Variants in HECW2 observed in about 807,000 individuals in gnomAD.
HECW2 encodes HECT, C2 and WW domain containing E3 ubiquitin protein ligase 2, also known as E3 ubiquitin-protein ligase HECW2.
In HECW2, 61 loss-of-function variants were observed where a neutral mutation model predicts 175.2. The ratio of observed to expected loss-of-function variants is 0.35; its 90% CI spans 0.28 to 0.43. The LOEUF is 0.43. HECW2 is among the 20% of genes least tolerant of loss of function. The pLI, the probability that HECW2 is intolerant of heterozygous loss-of-function variation, is 1.00. For missense variants in HECW2, 1,524 were observed against 2,000.5 expected (o/e 0.76, Z 4.54); for synonymous variants, 671 against 731.0 (o/e 0.92, Z 1.32).
rs185274572 is a variant in HECW2, at chr2:196,457,560, G to C, written c.-35-24102C>G. 4.7e-4 allele frequency among the ~76,000 whole-genome samples: 71 copies of C among 152,298 alleles called. No individual in the cohort carries two copies. In the East Asian group the frequency reaches 9.8e-3, roughly 21 times the overall value. On this transcript the variant is annotated intron_variant, in intron 1 of 28. Coordinates refer to ENST00000644978, the MANE Select transcript of HECW2 (RefSeq NM_001348768.2). ...TCCTCAAACTGGGTCAGAAAATCCA[G>C]AAATAATATAAATTGATTATCTCAG...
At chr2:196,293,359 T>C (rs561920954) in intron 13 of HECW2, among the ~76,000 whole-genome samples, 31 of 152,344 alleles carry the variant, frequency 2.0e-4, no homozygotes, top group African/African-American at 7.5e-4. Context: ...TGCATAGCAT[T>C]CCATGGTATA....
intron 1 of HECW2, among the ~76,000 whole-genome samples, chr2:196,533,626 T>C (rs963204302): frequency 6.6e-6 from 1 of 152,142 alleles, no homozygotes; most frequent in African/African-American, 2.4e-5. Context: ...AAGGAATATA[T>C]ATATAGGTGT....
At chr2:196,508,479 T>C (rs1320053173) in intron 1 of HECW2, among the ~76,000 whole-genome samples, 2 of 152,256 alleles carry the variant, frequency 1.3e-5, no homozygotes, top group Non-Finnish European at 2.9e-5. Flanking sequence ...CAGGAAATGT[T>C]TGACTTTCAA....
intron 19 of HECW2, among the ~76,000 whole-genome samples, chr2:196,248,629 C>CAGAGAGAGAG (rs199534761): frequency 1.3e-5 from 2 of 149,652 alleles, no homozygotes; most frequent in Non-Finnish European, 2.9e-5. Context: ...CACACACACA[C>CAGAGAGAGAG]ACAGAGAGAG....
At chr2:196,497,245 C>A (rs952834556) in intron 1 of HECW2, among the ~76,000 whole-genome samples, 1 of 152,154 alleles carries the variant, frequency 6.6e-6, no homozygotes. Context: ...GTCTCTTTTT[C>A]TGCTGGACTT....
At chr2:196,409,134 C>A (rs747614601) in intron 2 of HECW2, among the ~76,000 whole-genome samples, 6 of 152,054 alleles carry the variant, frequency 3.9e-5, no homozygotes, top group South Asian at 2.1e-4. Flanking sequence ...AAAGAGAAAT[C>A]CAGTTTGTCA....
chr2:196,527,372 C>T (rs980207907), intron 1 of HECW2, among the ~76,000 whole-genome samples: 3 of 152,266 alleles, frequency 2.0e-5, no homozygotes, highest in African/African-American at 7.2e-5. Context: ...CCTGCGCCCA[C>T]TGTCTGGCAC....
At position 196,422,006 on chromosome 2, in the gene HECW2, T is replaced by C. The variant is rs59489529; in HGVS notation, c.292+11126A>G. ...AAGGAAGATCCGTGATAGTCTGAGA[T>C]ACCAAGGTGATCCTGTGAATTCAGA... On this transcript the variant is annotated intron_variant, in intron 2 of 28. Coordinates refer to ENST00000644978, the MANE Select transcript of HECW2 (RefSeq NM_001348768.2). 3.7e-4 allele frequency among the ~76,000 whole-genome samples: 56 copies of C among 152,272 alleles called. 1 individual carries two copies. In the East Asian group the frequency reaches 9.8e-3, roughly 27 times the overall value.
intron 1 of HECW2, among the ~76,000 whole-genome samples, chr2:196,463,317 G>A (rs1176404234): frequency 6.7e-6 from 1 of 150,096 alleles, no homozygotes; most frequent in Non-Finnish European, 1.5e-5. Flanking sequence ...TCAGTGCCTA[G>A]AATGTTTGGG....
At chr2:196,222,400 G>A in intron 23 of HECW2, 60 bp from the exon 24 acceptor site, 3 of 1,512,780 alleles carry the variant, frequency 2.0e-6, no homozygotes, top group Non-Finnish European at 2.7e-6. Flanking sequence ...AAAACCCAGA[G>A]TCATAAGGAA....
At chr2:196,513,872 C>T (rs1425907149) in intron 1 of HECW2, among the ~76,000 whole-genome samples, 1 of 152,218 alleles carries the variant, frequency 6.6e-6, no homozygotes, top group Non-Finnish European at 1.5e-5. Context: ...TGGTTAGAAA[C>T]CTTTCTAGCA....
intron 5 of HECW2, 80 bp downstream of exon 5, chr2:196,329,495 G>C (rs1692278028): frequency 2.6e-6 from 3 of 1,157,646 alleles, no homozygotes; most frequent in Non-Finnish European, 3.9e-6. Context: ...ATATACGAAA[G>C]TCTGCAGAAA....
chr2:196,351,127 A>G (rs925417259), intron 2 of HECW2, among the ~76,000 whole-genome samples: 1 of 152,216 alleles, frequency 6.6e-6, no homozygotes, highest in African/African-American at 2.4e-5. Flanking sequence ...AAAAGTTGAT[A>G]ATTATATTAA....
chr2:196,304,150 C>T (rs1394893646), intron 13 of HECW2, among the ~76,000 whole-genome samples: 2 of 152,188 alleles, frequency 1.3e-5, no homozygotes, highest in African/African-American at 2.4e-5. Flanking sequence ...CTTCTGTAGC[C>T]CTGCACGCTT....
In HECW2 at chr2:196,282,846, G is replaced by C. The variant is rs537598277; in HGVS notation, c.3001-4184C>G. ...AACCCCCCACTTTCCATCATGGCCTGAACTAGCTTTTTTAGGTTAACTTTG... is the reference window on the plus strand; with the variant it reads ...AACCCCCCACTTTCCATCATGGCCTCAACTAGCTTTTTTAGGTTAACTTTG... On this transcript the variant is annotated intron_variant, in intron 14 of 28. Transcript: ENST00000644978. 1.3e-5 allele frequency among the ~76,000 whole-genome samples: 2 copies of C among 152,278 alleles called. 1 individual carries two copies. The highest frequency in any genetic ancestry group is 4.1e-4 in the South Asian group (2 of 4,820).
Position 196,271,176 on chromosome 2 carries a change from A to G in HECW2, c.3335+17T>C. ...TGTGCTTATGCAACTTGAACCAAAT[A>G]CCAATATTATTGTTACCTGAGTGAG... On this transcript the variant is annotated intron_variant, in intron 17 of 28. Coordinates refer to ENST00000644978, the MANE Select transcript of HECW2 (RefSeq NM_001348768.2). The G allele has an allele frequency of 1.4e-6, 2 of 1,443,950 alleles. No individual in the cohort carries two copies. The highest frequency in any genetic ancestry group is 1.9e-6 in the Non-Finnish European group (2 of 1,028,174). The allele number at this position is 1,443,950 out of a possible 1,614,324, so 89.4% of individuals were successfully genotyped here.
chr2:196,377,503 A>C (rs1694084047), intron 2 of HECW2, among the ~76,000 whole-genome samples: 1 of 152,232 alleles, frequency 6.6e-6, no homozygotes. Flanking sequence ...GGGCTTGTGC[A>C]GGGGAACTCC....
intron 1 of HECW2, among the ~76,000 whole-genome samples, chr2:196,436,063 C>T (rs1695860611): frequency 6.6e-6 from 1 of 152,218 alleles, no homozygotes; most frequent in Non-Finnish European, 1.5e-5. Context: ...CCTCAGATAT[C>T]TCAGAGCCCA....
At chr2:196,439,281 G>A (rs1427688694) in intron 1 of HECW2, among the ~76,000 whole-genome samples, 1 of 152,130 alleles carries the variant, frequency 6.6e-6, no homozygotes, top group Non-Finnish European at 1.5e-5. Flanking sequence ...AAGAGCCTGG[G>A]GAGAGGAACA....
Sources: allele counts gnomAD v4.1 joint callset (sites outside exome capture counted in the v4.1 genomes callset), GRCh38; gene constraint gnomAD v4.1.1; transcripts MANE v1.5; gene names NCBI Gene and HGNC (gene_info 2026-07-23, HGNC 2026-07-21).